Variants in ULK4 observed in about 807,000 individuals in gnomAD.
The protein encoded by ULK4 is inactive serine/threonine-protein kinase ULK4.
Under a neutral mutation model 160.6 loss-of-function variants are expected in ULK4, and 133 were observed. The observed-to-expected ratio is 0.83, with a 90% CI of 0.72 to 0.96. The LOEUF is 0.96. Among genes scored for constraint, ULK4 ranks in the 40% least tolerant of loss-of-function variants. The probability of loss-of-function intolerance (pLI) is 0.00; values close to 1 mark genes in which losing one functional copy is unlikely to be tolerated. For missense variants in ULK4, 1,580 were observed against 1,499.5 expected (o/e 1.05, Z -0.89); for synonymous variants, 534 against 539.8 (o/e 0.99, Z 0.15).
At chr3:41,899,933 C>T (rs996267395) in intron 13 of ULK4, among the ~76,000 whole-genome samples, 2 of 151,782 alleles carry the variant, frequency 1.3e-5, no homozygotes, top group Non-Finnish European at 2.9e-5. Flanking sequence ...ACCACAGTAA[C>T]GTTCCCAATG....
At chr3:41,804,602 T>C (rs149746572) in intron 19 of ULK4, among the ~76,000 whole-genome samples, 17,566 of 150,000 alleles carry the variant, frequency 0.12, 1,218 homozygotes, top group Middle Eastern at 0.26. Context: ...CTTCTAGGCT[T>C]TTTATGGTTT....
At chr3:41,737,980 G>C (rs767953440) in intron 22 of ULK4, among the ~76,000 whole-genome samples, 7 of 151,862 alleles carry the variant, frequency 4.6e-5, no homozygotes, top group Admixed American at 2.6e-4. Context: ...GGTAAGAAGA[G>C]ACAAATGAAA....
intron 35 of ULK4, among the ~76,000 whole-genome samples, chr3:41,312,259 G>A (rs2080065617): frequency 1.3e-5 from 2 of 152,096 alleles, no homozygotes; most frequent in African/African-American, 2.4e-5. Flanking sequence ...ACAGATGTGA[G>A]CCACCACGCC....
At chr3:41,458,213 C>A (rs1030581683) in intron 33 of ULK4, among the ~76,000 whole-genome samples, 2 of 152,102 alleles carry the variant, frequency 1.3e-5, no homozygotes, top group African/African-American at 2.4e-5. Flanking sequence ...TAGAAACATA[C>A]ATTTAGTAGC....
chr3:41,713,730 CTT>C (rs35008205), intron 25 of ULK4, among the ~76,000 whole-genome samples: 2 of 149,998 alleles, frequency 1.3e-5, no homozygotes, highest in African/African-American at 5.1e-5. Flanking sequence ...ATAGAAAAGT[CTT>C]TATGGACACA....
chr3:41,451,361 G>A (rs1173561243), intron 34 of ULK4, among the ~76,000 whole-genome samples: 1 of 151,752 alleles, frequency 6.6e-6, no homozygotes, highest in African/African-American at 2.4e-5. Context: ...GAGGTTGGCT[G>A]GGTGAGAGAG....
At chr3:41,707,931 C>T (rs941380964) in intron 25 of ULK4, among the ~76,000 whole-genome samples, 5 of 151,246 alleles carry the variant, frequency 3.3e-5, no homozygotes, top group Middle Eastern at 3.4e-3. Context: ...ACATCACTAA[C>T]CAGGGAAAGG....
intron 25 of ULK4, among the ~76,000 whole-genome samples, chr3:41,710,268 G>T (rs1042619887): frequency 1.2e-4 from 18 of 151,662 alleles, no homozygotes; most frequent in African/African-American, 2.7e-4. Context: ...AATATTTTTT[G>T]ATATATTTCT....
chr3:41,398,038 C>T, intron 35 of ULK4, 41 bp downstream of exon 35: 1 of 1,575,656 alleles, frequency 6.3e-7, no homozygotes, highest in South Asian at 1.2e-5. Flanking sequence ...TCGCTGCCAG[C>T]AAAGCCACCC....
chr3:41,364,586 G>C (rs960965804), intron 35 of ULK4, among the ~76,000 whole-genome samples: 1 of 151,986 alleles, frequency 6.6e-6, no homozygotes, highest in African/African-American at 2.4e-5. Context: ...CTAGATAAAT[G>C]AGACTTTAGA....
At chr3:41,247,065 C>G in intron 36 of ULK4, 73 bp from the exon 37 acceptor site, 3 of 1,454,360 alleles carry the variant, frequency 2.1e-6, no homozygotes, top group Non-Finnish European at 2.8e-6. Flanking sequence ...TTCAAAGGGG[C>G]CAGCCTCTTT....
intron 34 of ULK4, among the ~76,000 whole-genome samples, chr3:41,425,631 T>C (rs2082761157): frequency 1.3e-5 from 2 of 152,290 alleles, no homozygotes; most frequent in South Asian, 4.1e-4. Flanking sequence ...TTCAACATAA[T>C]TCCCAAAGAA....
intron 25 of ULK4, among the ~76,000 whole-genome samples, chr3:41,706,834 A>ATAT (rs1559498612): frequency 1.6e-5 from 2 of 124,814 alleles, no homozygotes; most frequent in African/African-American, 1.0e-4. Context: ...TCTCAAAAAA[A>ATAT]AAAAAAAAAA....
At chr3:41,731,508 T>C (rs765018691) in intron 22 of ULK4, among the ~76,000 whole-genome samples, 1 of 152,086 alleles carries the variant, frequency 6.6e-6, no homozygotes, top group African/African-American at 2.4e-5. Context: ...AGATACTCCA[T>C]GTTCATGGAT....
intron 22 of ULK4, among the ~76,000 whole-genome samples, chr3:41,750,958 C>A (rs566695271): frequency 7.8e-6 from 1 of 127,712 alleles, no homozygotes; most frequent in Non-Finnish European, 1.6e-5. Context: ...TGAGACTCCA[C>A]CTCAAAAAAA....
At chr3:41,945,434 G>T (rs887578282) in intron 2 of ULK4, among the ~76,000 whole-genome samples, 1 of 152,128 alleles carries the variant, frequency 6.6e-6, no homozygotes, top group African/African-American at 2.4e-5. Context: ...GCCAGAATGG[G>T]TGATAAGCAA....
intron 30 of ULK4, among the ~76,000 whole-genome samples, chr3:41,618,407 C>A (rs748203442): frequency 2.6e-5 from 4 of 152,162 alleles, no homozygotes; most frequent in Non-Finnish European, 5.9e-5. Flanking sequence ...AGAAGCCCAT[C>A]AGACTAACAG....
At chr3:41,353,531 G>A (rs2080955596) in intron 35 of ULK4, among the ~76,000 whole-genome samples, 1 of 151,940 alleles carries the variant, frequency 6.6e-6, no homozygotes, top group Non-Finnish European at 1.5e-5. Flanking sequence ...AGCTGAGTGT[G>A]GTAGCTCATG....
intron 21 of ULK4, among the ~76,000 whole-genome samples, chr3:41,786,193 T>C (rs190618199): frequency 1.6e-4 from 25 of 152,294 alleles, no homozygotes; most frequent in Admixed American, 1.6e-3. Context: ...CAGCCCCTCC[T>C]GTTAGGGCAT....
Sources: allele counts gnomAD v4.1 joint callset (sites outside exome capture counted in the v4.1 genomes callset), GRCh38; gene constraint gnomAD v4.1.1; transcripts MANE v1.5; gene names NCBI Gene and HGNC (gene_info 2026-07-23, HGNC 2026-07-21).